The following DNAAF9 variants were observed in gnomAD, a reference collection of about 807,000 sequenced individuals.
DNAAF9 encodes the protein dynein axonemal assembly factor 9.
DNAAF9 carries 90 observed loss-of-function variants against 167.0 expected under a neutral mutation model. That is an observed-to-expected ratio of 0.54 (90% CI 0.45 to 0.64). The LOEUF (loss-of-function observed/expected upper bound fraction) is 0.64, where lower values mean the gene tolerates loss of function less well. Ranked by LOEUF, DNAAF9 falls within the 30% of genes least tolerant of loss-of-function variation. The pLI is 0.00. For synonymous variants in DNAAF9, 491 were observed against 508.8 expected (o/e 0.96, Z 0.47); for missense variants, 1,315 against 1,442.2 (o/e 0.91, Z 1.43).
At chr20:3,294,734 A>T in intron 23 of DNAAF9, 105 bp from the exon 24 acceptor site, 1 of 698,470 alleles carries the variant, frequency 1.4e-6, no homozygotes, top group Non-Finnish European at 2.5e-6. Flanking sequence ...TGACAGAGTC[A>T]ACTCTTCCAA....
At chr20:3,337,384 C>T (rs2069979971) in intron 10 of DNAAF9, among the ~76,000 whole-genome samples, 1 of 150,684 alleles carries the variant, frequency 6.6e-6, no homozygotes, top group Non-Finnish European at 1.5e-5. Context: ...CTGCCTCAGC[C>T]TCCCAAGCAG....
Position 3,396,212 on chromosome 20 carries a change from TAC to T in DNAAF9, c.83+11261_83+11262del, listed in dbSNP as rs2083904907. ...TATCAACAGCATGAAAACAGACTAA[TAC>T]AGAGTCCGTTACATTTTTTCAAAGA... is the stretch of plus-strand genomic sequence containing the variant. On this transcript the variant is annotated intron_variant, in intron 1 of 36. Transcript: ENST00000252032. 2.0e-5 allele frequency among the ~76,000 whole-genome samples: 3 copies of T among 152,270 alleles called. No homozygotes were observed. In the South Asian group the frequency reaches 6.2e-4, roughly 31 times the overall value.
intron 29 of DNAAF9, among the ~76,000 whole-genome samples, chr20:3,273,546 C>A (rs1488712522): frequency 6.6e-6 from 1 of 151,634 alleles, no homozygotes; most frequent in East Asian, 1.9e-4. Flanking sequence ...AGGGCAGGAG[C>A]AAGAAGGGGC....
At chr20:3,260,209 G>A (rs1057425457) in intron 31 of DNAAF9, among the ~76,000 whole-genome samples, 181 bp from the exon 32 acceptor site, 8 of 151,766 alleles carry the variant, frequency 5.3e-5, no homozygotes, top group Non-Finnish European at 1.2e-4. Context: ...CGCGGTGGCG[G>A]GCGCCTGTAG....
At chr20:3,254,763 AGAGGCTGGGGGTCAGAGCCTG>A (rs1288811797) in intron 35 of DNAAF9, among the ~76,000 whole-genome samples, 2 of 152,214 alleles carry the variant, frequency 1.3e-5, no homozygotes, top group Non-Finnish European at 2.9e-5. Flanking sequence ...CGACTGAAGC[AGAGGCTGGGGGTCAGAGCCTG>A]GAGGCTGGGA....
intron 7 of DNAAF9, among the ~76,000 whole-genome samples, chr20:3,352,298 T>C (rs1209861494): frequency 6.6e-6 from 1 of 152,132 alleles, no homozygotes; most frequent in African/African-American, 2.4e-5. Flanking sequence ...AACCAATCCT[T>C]TTGGGTCTGG....
chr20:3,397,609 C>T (rs897163817), intron 1 of DNAAF9, among the ~76,000 whole-genome samples: 4 of 152,152 alleles, frequency 2.6e-5, no homozygotes, highest in Admixed American at 1.3e-4. Context: ...TGAGCCACCA[C>T]GCCCAGCCTT....
At chr20:3,282,170 G>C (rs541429301) in intron 27 of DNAAF9, among the ~76,000 whole-genome samples, 1 of 152,258 alleles carries the variant, frequency 6.6e-6, no homozygotes, top group African/African-American at 2.4e-5. Flanking sequence ...ACACAGGCAA[G>C]AGAGTGCGTC....
At chr20:3,401,856 C>A (rs573009796) in intron 1 of DNAAF9, among the ~76,000 whole-genome samples, 4 of 41,656 alleles carry the variant, frequency 9.6e-5, no homozygotes, top group Admixed American at 6.2e-4. Flanking sequence ...AGGGGGTGAC[C>A]GTGGGGAGGG....
At position 3,383,496 on chromosome 20, in the gene DNAAF9, G is replaced by A. The variant is rs529847191; in HGVS notation, c.84-990C>T. Among the ~76,000 whole-genome samples the A allele has an allele frequency of 2.6e-5, 4 of 151,694 alleles. No individual in the cohort carries two copies. The South Asian group carries it at 8.4e-4, about 32-fold the overall frequency. ...TTGGCCAGGCTGGTCTCGAACTCCT[G>A]ACCTCAGGTGATCCGTCCGCCTCAT... On this transcript the variant is annotated intron_variant, in intron 1 of 36. Coordinates refer to ENST00000252032, the MANE Select transcript of DNAAF9 (RefSeq NM_001009984.3).
intron 27 of DNAAF9, among the ~76,000 whole-genome samples, chr20:3,283,285 C>T (rs1291232909): frequency 2.6e-5 from 4 of 152,350 alleles, no homozygotes; most frequent in East Asian, 1.9e-4. Flanking sequence ...CAGGTACAGC[C>T]TGCTTGAGTT....
chr20:3,356,687 G>A (rs1322329506), intron 7 of DNAAF9, among the ~76,000 whole-genome samples: 1 of 151,938 alleles, frequency 6.6e-6, no homozygotes, highest in Admixed American at 6.6e-5. Flanking sequence ...GTTACAGTCT[G>A]TTCTATGTAT....
At chr20:3,274,016 T>C (rs770407774) in intron 29 of DNAAF9, among the ~76,000 whole-genome samples, 27 of 152,190 alleles carry the variant, frequency 1.8e-4, no homozygotes, top group Non-Finnish European at 3.5e-4. Flanking sequence ...TTTCTTAACA[T>C]TTTATCATCC....
intron 10 of DNAAF9, among the ~76,000 whole-genome samples, chr20:3,338,453 G>C (rs2070010414): frequency 6.6e-6 from 1 of 152,040 alleles, no homozygotes; most frequent in Non-Finnish European, 1.5e-5. Flanking sequence ...CCTACACATA[G>C]ATATTTTGGG....
chr20:3,362,237 C>T lies in DNAAF9; in HGVS notation c.613-2644G>A. 3.6e-6 allele frequency: 5 copies of T among 1,389,080 alleles called. No homozygotes were observed. In the South Asian group the frequency reaches 5.8e-5, roughly 16 times the overall value. 86.0% of individuals were successfully genotyped at this position (1,389,080 alleles called of 1,614,324 possible). On this transcript the variant is annotated intron_variant, in intron 6 of 36. Coordinates refer to ENST00000252032, the MANE Select transcript of DNAAF9 (RefSeq NM_001009984.3). Reference sequence around the variant, plus strand: ...TCTAGACCCCAGCTAACTGTGTCATCTCCTACTCCTTTCTGGCTTTCTTCG... The same window carrying T: ...TCTAGACCCCAGCTAACTGTGTCATTTCCTACTCCTTTCTGGCTTTCTTCG...
intron 10 of DNAAF9, among the ~76,000 whole-genome samples, chr20:3,339,698 A>G (rs75766462): frequency 0.062 from 9,454 of 152,270 alleles, 379 homozygotes; most frequent in Non-Finnish European, 0.082. Flanking sequence ...GGCTGTGATC[A>G]TCAAAAGTGT....
intron 29 of DNAAF9, among the ~76,000 whole-genome samples, chr20:3,271,419 T>G (rs899618380): frequency 6.6e-6 from 1 of 152,078 alleles, no homozygotes; most frequent in Non-Finnish European, 1.5e-5. Context: ...CCATGATCAC[T>G]CCCAACCTTT....
chr20:3,302,224 C>T (rs1204952938), intron 21 of DNAAF9, among the ~76,000 whole-genome samples: 5 of 152,100 alleles, frequency 3.3e-5, no homozygotes, highest in Non-Finnish European at 7.4e-5. Context: ...CAGGCATGAG[C>T]CACTGTGCCT....
chr20:3,281,878 A>ACGGC, intron 27 of DNAAF9, 112 bp from the exon 28 acceptor site: 2 of 1,048,878 alleles, frequency 1.9e-6, no homozygotes, highest in Admixed American at 4.7e-5. Flanking sequence ...ACCAAAAGGA[A>ACGGC]GAGCCCGCAA....
Sources: allele counts gnomAD v4.1 joint callset (sites outside exome capture counted in the v4.1 genomes callset), GRCh38; gene constraint gnomAD v4.1.1; transcripts MANE v1.5; gene names NCBI Gene and HGNC (gene_info 2026-07-23, HGNC 2026-07-21).